SGCD: variants seen among roughly 807,000 people sequenced by gnomAD.
The protein encoded by SGCD is delta-sarcoglycan.
Under a neutral mutation model 36.6 loss-of-function variants are expected in SGCD, and 18 were observed. That is an observed-to-expected ratio of 0.49 (90% CI 0.34 to 0.73). The LOEUF (loss-of-function observed/expected upper bound fraction) is 0.73. Among genes scored for constraint, SGCD ranks in the 30% least tolerant of loss-of-function variants. The pLI, the probability that SGCD is intolerant of heterozygous loss-of-function variation, is 0.01. For synonymous variants in SGCD, 133 were observed against 130.6 expected, an observed-to-expected ratio of 1.02 and a Z score of -0.12; for missense variants, 387 against 346.7, an observed-to-expected ratio of 1.12 and a Z score of -0.92.
intron 3 of SGCD, among the ~76,000 whole-genome samples, chr5:156,227,313 A>G (rs978306081): frequency 3.3e-5 from 5 of 152,058 alleles, no homozygotes; most frequent in African/African-American, 9.7e-5. Flanking sequence ...TTATTCTCCT[A>G]TCTGTGGCTA....
intron 3 of SGCD, among the ~76,000 whole-genome samples, chr5:156,479,228 G>A (rs1045137394): frequency 7.9e-5 from 12 of 151,952 alleles, no homozygotes; most frequent in African/African-American, 2.7e-4. Flanking sequence ...GAGTAGCTGC[G>A]ACTACAGGCA....
At position 156,049,448 on chromosome 5, in the gene SGCD, T is replaced by C. The variant is rs1476187323; in HGVS notation, c.-281-68430T>C. ...CCATTTTCACCATATTGATTCTTCC[T>C]ATCCATGAGCATGGAATGTTCTTCC... On this transcript the variant is annotated intron_variant, in intron 1 of 9. Coordinates refer to the SGCD transcript ENST00000517913. Among the ~76,000 whole-genome samples, 8 of 146,100 alleles carry C rather than the reference T, an allele frequency of 5.5e-5. 1 individual carries two copies. Among genetic ancestry groups the C allele is most frequent in the African/African-American group, 2.0e-4 (8 of 40,574 alleles).
intron 3 of SGCD, among the ~76,000 whole-genome samples, chr5:156,417,981 G>A (rs1019230331): frequency 3.3e-5 from 5 of 152,146 alleles, no homozygotes; most frequent in Admixed American, 6.6e-5. Flanking sequence ...ATTCAAGATG[G>A]TTTGGGTGAC....
intron 6 of SGCD, 106 bp from the exon 7 acceptor site, chr5:156,647,358 G>A (rs548492264): frequency 2.7e-5 from 19 of 694,096 alleles, no homozygotes; most frequent in African/African-American, 2.7e-4. Flanking sequence ...TGGGTATGGG[G>A]TTGTGTAATG....
At chr5:155,869,581 A>G (rs1755591339), upstream of SGCD, among the ~76,000 whole-genome samples, 1 of 151,854 alleles carries the variant, frequency 6.6e-6, no homozygotes, top group African/African-American at 2.4e-5. Flanking sequence ...CATCAGATAA[A>G]CCATTCTGAA....
chr5:156,408,567 C>A (rs1415502387), intron 3 of SGCD, among the ~76,000 whole-genome samples: 2 of 152,142 alleles, frequency 1.3e-5, no homozygotes, highest in African/African-American at 4.8e-5. Context: ...CCAAGTTGGC[C>A]AGGCTGGTCT....
rs151184891 is a variant in SGCD, at chr5:156,602,855, G to A, written c.502+7804G>A. 4.3e-4 allele frequency among the ~76,000 whole-genome samples: 65 copies of A among 152,160 alleles called. 1 individual carries two copies. In the East Asian group the frequency reaches 0.013, roughly 29 times the overall value. The stretch of plus-strand genomic sequence containing the variant: ...AAATTCAGTCAGTTAATATTTTGTT[G>A]AGAAATTTTGTATCTATGTTCGTCA... On this transcript the variant is annotated intron_variant, in intron 6 of 8. Coordinates refer to ENST00000337851, the MANE Select transcript of SGCD (RefSeq NM_000337.6).
At chr5:156,416,794 G>C (rs1773064611) in intron 3 of SGCD, among the ~76,000 whole-genome samples, 1 of 152,140 alleles carries the variant, frequency 6.6e-6, no homozygotes, top group Non-Finnish European at 1.5e-5. Context: ...GCTTCCAAAA[G>C]TTTTAGGCAA....
At chr5:156,096,622 A>G (rs1200724383) in intron 1 of SGCD, among the ~76,000 whole-genome samples, 1 of 152,180 alleles carries the variant, frequency 6.6e-6, no homozygotes, top group Non-Finnish European at 1.5e-5. Context: ...GGAGAATTCT[A>G]TAGGTCCCTG....
rs79614687 is a variant in SGCD at position 156,010,631 on chromosome 5, T to A, written c.-281-107247T>A. Among the ~76,000 whole-genome samples, 245 of 152,356 alleles carry A rather than the reference T, an allele frequency of 1.6e-3. 1 individual carries two copies. The highest frequency in any genetic ancestry group is 5.6e-3 in the African/African-American group (232 of 41,586). On this transcript the variant is annotated intron_variant, in intron 1 of 9. Coordinates refer to the SGCD transcript ENST00000517913. ...TTCAATTATTACTATTACCACATAGTAATTCGACAAACATCATGCTAAGTG... is the reference window on the plus strand; with the variant it reads ...TTCAATTATTACTATTACCACATAGAAATTCGACAAACATCATGCTAAGTG...
the SGCD span, among the ~76,000 whole-genome samples, chr5:155,863,757 A>G: frequency 6.6e-6 from 1 of 151,934 alleles, no homozygotes. Context: ...TCAGAAAGAT[A>G]TCTCTTTCCT....
intron 1 of SGCD, among the ~76,000 whole-genome samples, chr5:155,884,649 C>A (rs974362036): frequency 6.6e-6 from 1 of 152,172 alleles, no homozygotes; most frequent in Non-Finnish European, 1.5e-5. Flanking sequence ...GTTGGTATAG[C>A]TTTCTGGCAT....
At position 156,594,913 on chromosome 5, in the gene SGCD, A is replaced by G. The variant is rs1402707235; in HGVS notation, c.383-19A>G. On this transcript the variant is annotated intron_variant, in intron 5 of 8. Transcript: ENST00000337851. ...TCTCCTCTCTCCTCTCTATCTCTCT[A>G]TCTCTCTATATCTCTCAGGTCCAAA... 2.0e-6 allele frequency: 3 copies of G among 1,496,506 alleles called. No individual in the cohort carries two copies. Among genetic ancestry groups the G allele is most frequent in the Non-Finnish European group, 2.8e-6 (3 of 1,081,368 alleles). The allele number at this position is 1,496,506 out of a possible 1,614,324, so 92.7% of individuals were successfully genotyped here.
chr5:156,307,565 T>TTG (rs1468279500), intron 3 of SGCD, among the ~76,000 whole-genome samples: 1 of 147,892 alleles, frequency 6.8e-6, no homozygotes, highest in African/African-American at 2.5e-5. Context: ...GTTTTTTTTT[T>TTG]TTTTTTTTTT....
chr5:156,262,004 A>G lies in SGCD; in HGVS notation c.-43-67530A>G, dbSNP rs895312787. Among the ~76,000 whole-genome samples the G allele has an allele frequency of 8.5e-5, 13 of 152,318 alleles. 2 individuals carry two copies. The highest frequency in any genetic ancestry group is 8.5e-4 in the Admixed American group (13 of 15,286). On this transcript the variant is annotated intron_variant, in intron 3 of 9. Transcript: ENST00000517913. ...TCATTAAGAAGGAGTAAAAAAGTTAAAAAATTAAAAAGTTTGTAATTAAAA... is the reference window on the plus strand; with the variant it reads ...TCATTAAGAAGGAGTAAAAAAGTTAGAAAATTAAAAAGTTTGTAATTAAAA...
chr5:155,921,362 T>C (rs1171454835), intron 1 of SGCD, among the ~76,000 whole-genome samples: 1 of 152,128 alleles, frequency 6.6e-6, no homozygotes, highest in East Asian at 1.9e-4. Flanking sequence ...GACAACTCTA[T>C]TAAGAATTTT....
chr5:156,518,660 G>A (rs995088809), intron 4 of SGCD, among the ~76,000 whole-genome samples: 1 of 152,118 alleles, frequency 6.6e-6, no homozygotes, highest in Non-Finnish European at 1.5e-5. Flanking sequence ...CAGTCTCTCA[G>A]ACCATAGCTC....
chr5:156,071,089 A>T (rs1760544541), intron 1 of SGCD, among the ~76,000 whole-genome samples: 1 of 152,006 alleles, frequency 6.6e-6, no homozygotes, highest in Non-Finnish European at 1.5e-5. Flanking sequence ...CAGCTCCTGG[A>T]TTCATTAATA....
intron 3 of SGCD, among the ~76,000 whole-genome samples, chr5:156,314,053 A>T (rs1767453168): frequency 6.6e-6 from 1 of 151,928 alleles, no homozygotes. Context: ...AATCTGTGAT[A>T]AGATGGTTCA....
Sources: allele counts gnomAD v4.1 joint callset (sites outside exome capture counted in the v4.1 genomes callset), GRCh38; gene constraint gnomAD v4.1.1; transcripts MANE v1.5; gene names NCBI Gene and HGNC (gene_info 2026-07-23, HGNC 2026-07-21).